The following PCDH15 variants were observed in gnomAD, a reference collection of about 807,000 sequenced individuals.
The protein encoded by PCDH15 is protocadherin-15.
PCDH15 carries 129 observed loss-of-function variants against 178.5 expected under a neutral mutation model. That is an observed-to-expected ratio of 0.72 (90% CI 0.63 to 0.84). PCDH15 has a LOEUF of 0.84. Among genes scored for constraint, PCDH15 ranks in the 40% least tolerant of loss-of-function variants. The pLI is 0.00. For missense variants in PCDH15, 2,230 were observed against 2,099.9 expected (o/e 1.06, Z -1.21); for synonymous variants, 800 against 732.0 (o/e 1.09, Z -1.50).
chr10:54,736,588 A>G (rs1944156233), intron 1 of PCDH15, among the ~76,000 whole-genome samples: 1 of 152,086 alleles, frequency 6.6e-6, no homozygotes, highest in South Asian at 2.1e-4. Context: ...CATCTCGGCA[A>G]AAGGAGAACT....
rs1564441941 is a variant in PCDH15 at position 55,538,480 on chromosome 10, C to CCCTTCTTT, written c.-156+89144_-156+89145insAAAGAAGG. ...TTCCTTCCTTCCTCCCTCCCTTCCTCCCTTCCTTCCTCCTTTCCTTCCTTC... is the reference window on the plus strand; with the variant it reads ...TTCCTTCCTTCCTCCCTCCCTTCCTCCCTTCTTTCCTTCCTTCCTCCTTTCCTTCCTTC... On this transcript the variant is annotated intron_variant, in intron 2 of 5. Transcript: ENST00000613346. Among the ~76,000 whole-genome samples, 9 of 98,060 alleles carry CCCTTCTTT rather than the reference C, an allele frequency of 9.2e-5. No individual in the cohort carries two copies. In the East Asian group the frequency reaches 1.3e-3, roughly 14 times the overall value. The allele number at this position is 98,060 out of a possible 152,430, so 64.3% of individuals were successfully genotyped here. A position where few individuals can be genotyped will look rare whatever the true frequency, so the allele number is the denominator to read the frequency against.
intron 2 of PCDH15, among the ~76,000 whole-genome samples, chr10:55,449,994 A>G (rs1367719596): frequency 3.9e-5 from 6 of 152,204 alleles, no homozygotes; most frequent in Admixed American, 6.5e-5. Flanking sequence ...ATAAACAAAT[A>G]AAATAAAAAA....
intron 35 of PCDH15, among the ~76,000 whole-genome samples, chr10:53,812,199 T>A (rs2075890837): frequency 6.6e-6 from 1 of 151,932 alleles, no homozygotes; most frequent in South Asian, 2.1e-4. Context: ...AATTTAAGGG[T>A]TTTTTGTTTG....
At chr10:54,174,640 T>C (rs1161763173) in intron 13 of PCDH15, among the ~76,000 whole-genome samples, 13 of 151,960 alleles carry the variant, frequency 8.6e-5, no homozygotes, top group Admixed American at 8.5e-4. Flanking sequence ...AGAATAACTT[T>C]TTCCAATCAA....
At chr10:54,759,745 A>G (rs1007388603) in intron 1 of PCDH15, among the ~76,000 whole-genome samples, 1 of 152,156 alleles carries the variant, frequency 6.6e-6, no homozygotes, top group Non-Finnish European at 1.5e-5. Flanking sequence ...ACTTTTTGAG[A>G]AATCTTTACG....
At chr10:54,486,264 C>T (rs2079089344) in intron 3 of PCDH15, 1 of 152,032 alleles carries the variant, frequency 6.6e-6, no homozygotes, top group South Asian at 2.1e-4. Flanking sequence ...GAGAGGTAAT[C>T]AGAAGCACTA....
intron 13 of PCDH15, among the ~76,000 whole-genome samples, chr10:54,168,256 C>T (rs1001835807): frequency 6.6e-5 from 10 of 151,920 alleles, no homozygotes; most frequent in Non-Finnish European, 4.4e-5. Flanking sequence ...AGGTGCCTGA[C>T]GTCCAGGCAT....
chr10:54,779,999 T>C (rs577702736), intron 1 of PCDH15, among the ~76,000 whole-genome samples: 1 of 152,276 alleles, frequency 6.6e-6, no homozygotes, highest in Admixed American at 6.5e-5. Context: ...TATTTGCACT[T>C]ATTCTTATAA....
At chr10:55,599,911 A>T (rs1198131144) in intron 2 of PCDH15, 23 of 1,523,702 alleles carry the variant, frequency 1.5e-5, no homozygotes, top group Non-Finnish European at 1.9e-5. Context: ...TGGCCACACC[A>T]GGGTTTAGCT....
At chr10:55,151,350 A>G (rs562633837) in intron 2 of PCDH15, among the ~76,000 whole-genome samples, 1 of 152,258 alleles carries the variant, frequency 6.6e-6, no homozygotes, top group South Asian at 2.1e-4. Flanking sequence ...CCTCAAAATT[A>G]AAATGATAAG....
At chr10:54,276,593 C>T (rs1012566986) in intron 8 of PCDH15, among the ~76,000 whole-genome samples, 1 of 151,468 alleles carries the variant, frequency 6.6e-6, no homozygotes, top group Non-Finnish European at 1.5e-5. Flanking sequence ...CCAGAAATTC[C>T]ACTATTCTAG....
chr10:54,827,379 T>C (rs1953149823), intron 3 of PCDH15, among the ~76,000 whole-genome samples: 1 of 152,112 alleles, frequency 6.6e-6, no homozygotes, highest in African/African-American at 2.4e-5. Context: ...TCAATAATCC[T>C]AAACTGGGCA....
At chr10:55,490,354 G>A (rs186333835) in intron 2 of PCDH15, among the ~76,000 whole-genome samples, 1 of 151,858 alleles carries the variant, frequency 6.6e-6, no homozygotes, top group East Asian at 2.0e-4. Flanking sequence ...ACACAGCCAT[G>A]AGTCTATGGT....
intron 8 of PCDH15, among the ~76,000 whole-genome samples, chr10:54,262,824 G>A (rs985286824): frequency 6.6e-6 from 1 of 152,208 alleles, no homozygotes; most frequent in Non-Finnish European, 1.5e-5. Flanking sequence ...CAGAATGCCT[G>A]GAGTAGCTCA....
At chr10:54,751,649 A>G (rs1017467777) in intron 1 of PCDH15, among the ~76,000 whole-genome samples, 2 of 152,182 alleles carry the variant, frequency 1.3e-5, no homozygotes, top group African/African-American at 2.4e-5. Context: ...TTCAGACTCA[A>G]AAATCACTTC....
chr10:54,218,148 A>G (rs1446276517), intron 9 of PCDH15, among the ~76,000 whole-genome samples: 1 of 152,212 alleles, frequency 6.6e-6, no homozygotes, highest in Admixed American at 6.5e-5. Flanking sequence ...TAAACAAATA[A>G]TTGATTAAAA....
At chr10:55,345,895 G>T (rs2131960589) in intron 2 of PCDH15, among the ~76,000 whole-genome samples, 1 of 151,710 alleles carries the variant, frequency 6.6e-6, no homozygotes, top group Admixed American at 6.6e-5. Flanking sequence ...AGTTTATAAT[G>T]GTGTTTGCCC....
intron 1 of PCDH15, among the ~76,000 whole-genome samples, chr10:54,714,904 A>T (rs1012759265): frequency 5.3e-5 from 8 of 152,128 alleles, no homozygotes; most frequent in Non-Finnish European, 1.0e-4. Flanking sequence ...AGTGTGAAAA[A>T]TTTTAACATC....
intron 1 of PCDH15, among the ~76,000 whole-genome samples, chr10:54,731,826 G>A (rs879368371): frequency 2.4e-4 from 36 of 150,658 alleles, no homozygotes; most frequent in Admixed American, 2.1e-3. Flanking sequence ...GGTGAAGAGA[G>A]TTTGAATAAT....
Sources: allele counts gnomAD v4.1 joint callset (sites outside exome capture counted in the v4.1 genomes callset), GRCh38; gene constraint gnomAD v4.1.1; transcripts MANE v1.5; gene names NCBI Gene and HGNC (gene_info 2026-07-23, HGNC 2026-07-21).